Variants in BBX observed in about 807,000 individuals in gnomAD.
BBX encodes BBX high mobility group box domain containing, also known as HMG box transcription factor BBX.
In BBX, 30 loss-of-function variants were observed where a neutral mutation model predicts 100.2. That is an observed-to-expected ratio of 0.30 (90% CI 0.22 to 0.41). The LOEUF (loss-of-function observed/expected upper bound fraction) is 0.41. Among genes scored for constraint, BBX ranks in the 10% least tolerant of loss-of-function variants. BBX has a pLI of 1.00. For synonymous variants in BBX, 376 were observed against 388.1 expected (o/e 0.97, Z 0.37); for missense variants, 1,023 against 1,129.8 (o/e 0.91, Z 1.35).
At chr3:107,539,929 A>AGG (rs2048753955) in intron 2 of BBX, among the ~76,000 whole-genome samples, 1 of 152,148 alleles carries the variant, frequency 6.6e-6, no homozygotes, top group African/African-American at 2.4e-5. Flanking sequence ...TCTAGCACCT[A>AGG]GGACATGGTA....
intron 3 of BBX, among the ~76,000 whole-genome samples, chr3:107,649,644 T>A (rs902682104): frequency 9.0e-6 from 1 of 110,544 alleles, no homozygotes; most frequent in African/African-American, 2.7e-5. Flanking sequence ...ATATCTAAAA[T>A]GTGTTTGTTT....
intron 7 of BBX, among the ~76,000 whole-genome samples, chr3:107,734,210 A>G (rs756258838): frequency 6.6e-6 from 1 of 152,090 alleles, no homozygotes; most frequent in East Asian, 1.9e-4. Flanking sequence ...TTTATTTTTT[A>G]TAGTTTACAT....
At chr3:107,594,535 G>T (rs1014935022) in intron 2 of BBX, among the ~76,000 whole-genome samples, 1 of 152,064 alleles carries the variant, frequency 6.6e-6, no homozygotes, top group African/African-American at 2.4e-5. Context: ...CAGAGAGATC[G>T]CATTTCTGAC....
intron 2 of BBX, among the ~76,000 whole-genome samples, chr3:107,563,288 G>T (rs990413297): frequency 3.3e-5 from 5 of 152,154 alleles, no homozygotes; most frequent in Non-Finnish European, 7.4e-5. Flanking sequence ...ACATACCCCT[G>T]TGAAGCTCCT....
At chr3:107,641,611 C>T (rs1411320152) in intron 2 of BBX, among the ~76,000 whole-genome samples, 2 of 152,176 alleles carry the variant, frequency 1.3e-5, no homozygotes, top group African/African-American at 4.8e-5. Flanking sequence ...GCCAAATTAT[C>T]TAGGGAACTC....
chr3:107,666,461 G>A (rs540904030), intron 3 of BBX, among the ~76,000 whole-genome samples: 1 of 152,278 alleles, frequency 6.6e-6, no homozygotes, highest in East Asian at 1.9e-4. Flanking sequence ...AAAAAACAAG[G>A]AAAAGGGGGG....
rs575714316 is a variant in BBX, at chr3:107,704,903, A to G, written c.-9-5549A>G. 1.1e-3 allele frequency among the ~76,000 whole-genome samples: 164 copies of G among 152,292 alleles called. 2 individuals carry two copies. In the South Asian group the frequency reaches 0.011, roughly 11 times the overall value. ...TTAGGGCTTTCAGATAAAAGAAGAGATATTTGACCCGGGTCTTGGAGGATG... is the reference window on the plus strand; with the variant it reads ...TTAGGGCTTTCAGATAAAAGAAGAGGTATTTGACCCGGGTCTTGGAGGATG... On this transcript the variant is annotated intron_variant, in intron 3 of 17. Transcript: ENST00000325805.
At position 107,556,168 on chromosome 3, in the gene BBX, T is replaced by C. The variant is rs1405138714; in HGVS notation, c.-84+29770T>C. 2.6e-5 allele frequency among the ~76,000 whole-genome samples: 4 copies of C among 152,300 alleles called. No homozygotes were observed. In the South Asian group the frequency reaches 8.3e-4, roughly 32 times the overall value. On this transcript the variant is annotated intron_variant, in intron 2 of 17. Coordinates refer to ENST00000325805, the MANE Select transcript of BBX (RefSeq NM_001142568.3). ...GCTCTGATATTATATCACTCTTTGC[T>C]GCTGTCCTGTCAGGTTCTTCCAAGA...
At chr3:107,800,421 T>G (rs560703169) in intron 16 of BBX, among the ~76,000 whole-genome samples, 1 of 152,372 alleles carries the variant, frequency 6.6e-6, no homozygotes, top group African/African-American at 2.4e-5. Context: ...AGTCATTTTC[T>G]ATATTTACAA....
intron 2 of BBX, among the ~76,000 whole-genome samples, chr3:107,534,144 T>C (rs1167723283): frequency 1.3e-5 from 2 of 152,216 alleles, no homozygotes; most frequent in African/African-American, 4.8e-5. Flanking sequence ...AGGAATTGTT[T>C]ATTGATAGGG....
Position 107,770,185 on chromosome 3 carries a change from A to G in BBX, c.907-2443A>G, listed in dbSNP as rs188667824. Among the ~76,000 whole-genome samples the G allele has an allele frequency of 3.3e-5, 5 of 152,328 alleles. No individual in the cohort carries two copies. In the East Asian group the frequency reaches 9.6e-4, roughly 29 times the overall value. ...AGAATCCTTTCAGGGGTGATGAGAG[A>G]ATCATTTTGAAATATATTGAAGCCT... is the stretch of plus-strand genomic sequence containing the variant. On this transcript the variant is annotated intron_variant, in intron 10 of 17. Coordinates refer to ENST00000325805, the MANE Select transcript of BBX (RefSeq NM_001142568.3).
intron 10 of BBX, among the ~76,000 whole-genome samples, chr3:107,756,953 T>G (rs1405809456): frequency 2.0e-5 from 3 of 152,184 alleles, no homozygotes; most frequent in Non-Finnish European, 4.4e-5. Context: ...AGACAGACTG[T>G]GAGGTCATGC....
intron 17 of BBX, among the ~76,000 whole-genome samples, chr3:107,804,945 T>C (rs941108629): frequency 6.6e-6 from 1 of 152,142 alleles, no homozygotes; most frequent in East Asian, 1.9e-4. Context: ...AGAAAAGGAA[T>C]GTGTCATTTT....
chr3:107,702,067 C>A (rs796460811), intron 3 of BBX, among the ~76,000 whole-genome samples: 69 of 152,280 alleles, frequency 4.5e-4, no homozygotes, highest in African/African-American at 1.6e-3. Flanking sequence ...TGATAAAGCA[C>A]TTAGGACCAA....
intron 12 of BBX, among the ~76,000 whole-genome samples, chr3:107,778,121 T>C (rs2067474277): frequency 2.0e-5 from 3 of 152,044 alleles, no homozygotes; most frequent in Admixed American, 2.0e-4. Flanking sequence ...TTCAGAAATA[T>C]TCTAATATTA....
intron 10 of BBX, among the ~76,000 whole-genome samples, chr3:107,758,669 A>G (rs2065671657): frequency 6.6e-6 from 1 of 152,190 alleles, no homozygotes; most frequent in Admixed American, 6.5e-5. Flanking sequence ...TGGAGGGCAC[A>G]TCCCCTCTGA....
chr3:107,735,966 A>C (rs985342838), intron 7 of BBX, among the ~76,000 whole-genome samples: 4 of 151,942 alleles, frequency 2.6e-5, no homozygotes, highest in African/African-American at 9.7e-5. Flanking sequence ...GCGTTTTGAT[A>C]GTTTGTTTTG....
intron 5 of BBX, 139 bp from the exon 6 acceptor site, chr3:107,728,623 ATTC>A (rs1386560737): frequency 2.9e-6 from 2 of 686,686 alleles, no homozygotes; most frequent in South Asian, 1.9e-5. Context: ...TGAGATTGTC[ATTC>A]TTCTACAAGG....
chr3:107,573,946 A>C (rs185069958), intron 2 of BBX, among the ~76,000 whole-genome samples: 1 of 152,190 alleles, frequency 6.6e-6, no homozygotes, highest in African/African-American at 2.4e-5. Flanking sequence ...GCTGCTCTCA[A>C]ACTCCTGATC....
Sources: allele counts gnomAD v4.1 joint callset (sites outside exome capture counted in the v4.1 genomes callset), GRCh38; gene constraint gnomAD v4.1.1; transcripts MANE v1.5; gene names NCBI Gene and HGNC (gene_info 2026-07-23, HGNC 2026-07-21).